GSAP: variants seen among roughly 807,000 people sequenced by gnomAD.
GSAP encodes gamma-secretase activating protein, also known as gamma-secretase-activating protein.
A neutral mutation model predicts 131.7 loss-of-function variants in GSAP; 118 were observed. That is an observed-to-expected ratio of 0.90 (90% CI 0.77 to 1.04). The LOEUF is 1.04. Ranked by LOEUF, GSAP falls within the 50% of genes least tolerant of loss-of-function variation. GSAP has a pLI of 0.00. For synonymous variants in GSAP, 381 were observed against 363.4 expected (o/e 1.05, Z -0.55); for missense variants, 1,019 against 1,013.2 (o/e 1.01, Z -0.08).
At chr7:77,328,042 G>A in intron 22 of GSAP, 1 of 184,722 alleles carries the variant, frequency 5.4e-6, no homozygotes, top group Non-Finnish European at 1.0e-5. Context: ...TAAGGACAGT[G>A]CACAAATGGG....
At chr7:77,362,541 A>C in intron 13 of GSAP, 42 bp downstream of exon 13, 1 of 1,078,448 alleles carries the variant, frequency 9.3e-7, no homozygotes, top group Non-Finnish European at 1.4e-6. Flanking sequence ...CTATTTGGAA[A>C]AAGTTATTAT....
Position 77,312,205 on chromosome 7 carries a change from A to G in GSAP, c.2272-3T>C. 1 of 1,514,112 alleles carries G rather than the reference A, an allele frequency of 6.6e-7. No homozygotes were observed. The highest frequency in any genetic ancestry group is 1.2e-5 in the South Asian group (1 of 84,062). 93.8% of individuals were successfully genotyped at this position (1,514,112 alleles called of 1,614,324 possible). A position where few individuals can be genotyped will look rare whatever the true frequency, so the allele number is the denominator to read the frequency against. ...CTACAAATCTTCTGCCCAATAAGCT[A>G]TTATGCAAATTGAAAAAAATGTAGC... On this transcript the variant is annotated splice_region_variant and splice_polypyrimidine_tract_variant and intron_variant, in intron 28 of 30. Coordinates refer to ENST00000257626, the MANE Select transcript of GSAP (RefSeq NM_017439.4).
chr7:77,382,135 CCTGT>C (rs1242601641), intron 7 of GSAP, among the ~76,000 whole-genome samples: 1 of 151,548 alleles, frequency 6.6e-6, no homozygotes, highest in Admixed American at 6.6e-5. Context: ...TCTACCTGAA[CCTGT>C]CTAAGTTAGT....
Position 77,402,616 on chromosome 7 carries a change from A to AAAAAAAAAT in GSAP, c.243+1942_243+1943insATTTTTTTT, listed in dbSNP as rs375595494. On this transcript the variant is annotated intron_variant, in intron 3 of 30. Coordinates refer to ENST00000257626, the MANE Select transcript of GSAP (RefSeq NM_017439.4). ...CTCAAAAAAAAAAAAAAAAAAAAAAAGAATTTTAAAGCCCATCTAGATTTG... is the reference window on the plus strand; with the variant it reads ...CTCAAAAAAAAAAAAAAAAAAAAAAAAAAAAAAATGAATTTTAAAGCCCATCTAGATTTG... Among the ~76,000 whole-genome samples the AAAAAAAAAT allele has an allele frequency of 1.3e-3, 103 of 80,468 alleles. 9 individuals carry two copies. Among genetic ancestry groups the AAAAAAAAAT allele is most frequent in the East Asian group, 5.7e-3 (15 of 2,654 alleles). The allele number at this position is 80,468 out of a possible 152,430, so 52.8% of individuals were successfully genotyped here. A position where few individuals can be genotyped will look rare whatever the true frequency, so the allele number is the denominator to read the frequency against.
At chr7:77,388,775 A>G (rs1398643647) in intron 5 of GSAP, among the ~76,000 whole-genome samples, 1 of 152,262 alleles carries the variant, frequency 6.6e-6, no homozygotes, top group Non-Finnish European at 1.5e-5. Context: ...AAAAAAGCAA[A>G]GAACGTAAAA....
At chr7:77,402,789 G>T (rs1801607801) in intron 3 of GSAP, among the ~76,000 whole-genome samples, 1 of 151,312 alleles carries the variant, frequency 6.6e-6, no homozygotes, top group Non-Finnish European at 1.5e-5. Context: ...AGAAAAATTT[G>T]CCTGTTTACA....
At chr7:77,330,098 G>A in intron 20 of GSAP, 141 bp downstream of exon 20, 1 of 991,650 alleles carries the variant, frequency 1.0e-6, no homozygotes, top group East Asian at 2.7e-5. Context: ...TGCCCATTGA[G>A]ATCAGTAATG....
intron 22 of GSAP, 187 bp from the exon 23 acceptor site, chr7:77,326,460 G>GGAATGACC (rs1788346090): frequency 2.0e-6 from 1 of 489,496 alleles, no homozygotes. Context: ...TGTGAAACAG[G>GGAATGACC]GAATGACCGA....
intron 6 of GSAP, among the ~76,000 whole-genome samples, chr7:77,384,577 CGGTGTGTAGAG>C (rs1798271123): frequency 6.6e-6 from 1 of 151,856 alleles, no homozygotes; most frequent in Non-Finnish European, 1.5e-5. Flanking sequence ...TCTGTAGTCT[CGGTGTGTAGAG>C]GGTGTGTAAT....
chr7:77,319,753 G>A (rs1024522986), intron 26 of GSAP, among the ~76,000 whole-genome samples: 5 of 131,824 alleles, frequency 3.8e-5, no homozygotes, highest in African/African-American at 1.6e-4. Flanking sequence ...GAAACTTCAG[G>A]TCATTACACT....
intron 4 of GSAP, 43 bp from the exon 5 acceptor site, chr7:77,397,078 T>C (rs755066125): frequency 1.5e-6 from 2 of 1,309,530 alleles, no homozygotes; most frequent in Non-Finnish European, 2.2e-6. Flanking sequence ...TTGATCCATA[T>C]GGTAGCTTGT....
At chr7:77,375,781 T>C (rs1796756057) in intron 10 of GSAP, among the ~76,000 whole-genome samples, 1 of 151,204 alleles carries the variant, frequency 6.6e-6, no homozygotes, top group African/African-American at 2.4e-5. Context: ...GAGGCAGAGG[T>C]TGCAGTGAAG....
At chr7:77,356,884 C>T (rs758464700) in intron 14 of GSAP, among the ~76,000 whole-genome samples, 3 of 152,194 alleles carry the variant, frequency 2.0e-5, no homozygotes, top group African/African-American at 7.2e-5. Flanking sequence ...GGATATAGAA[C>T]TCAAACCAGT....
At chr7:77,351,641 C>T (rs1792878365) in intron 18 of GSAP, 2 of 985,684 alleles carry the variant, frequency 2.0e-6, no homozygotes, top group Non-Finnish European at 1.2e-6. Flanking sequence ...CTTGGACTTC[C>T]TGATGTCACC....
chr7:77,374,325 C>T (rs1796538498), intron 11 of GSAP, among the ~76,000 whole-genome samples, 170 bp from the exon 12 acceptor site: 1 of 152,092 alleles, frequency 6.6e-6, no homozygotes, highest in African/African-American at 2.4e-5. Context: ...TTTCAAAATA[C>T]ATGGTATATA....
At chr7:77,322,582 GT>G (rs61272117) in intron 24 of GSAP, among the ~76,000 whole-genome samples, 25,625 of 125,136 alleles carry the variant, frequency 0.2, 2,800 homozygotes, top group East Asian at 0.5. Context: ...TGTGTTGTGA[GT>G]TTTTTTTTTT....
chr7:77,315,794 A>G (rs150301898), intron 26 of GSAP: 4 of 152,292 alleles, frequency 2.6e-5, no homozygotes, highest in Non-Finnish European at 4.4e-5. Flanking sequence ...GAGGAGAGAA[A>G]GATTAAGAGG....
chr7:77,343,536 C>G (rs893747896), intron 19 of GSAP, among the ~76,000 whole-genome samples: 2 of 152,212 alleles, frequency 1.3e-5, no homozygotes, highest in Admixed American at 1.3e-4. Context: ...CCAAAGGAAG[C>G]TGGAGTCATT....
intron 5 of GSAP, among the ~76,000 whole-genome samples, chr7:77,388,125 T>C (rs2190095): frequency 0.46 from 69,671 of 152,148 alleles, 18,123 homozygotes; most frequent in African/African-American, 0.71. Flanking sequence ...GACTTTGACA[T>C]TTCTACAAAT....
Sources: gnomAD v4.1 joint callset for allele counts (sites outside exome capture counted in the v4.1 genomes callset) on GRCh38, gnomAD v4.1.1 for gene constraint, MANE v1.5 for transcripts, NCBI Gene and HGNC (gene_info 2026-07-23, HGNC 2026-07-21) for gene names.